The following KPNA7 variants were observed in gnomAD, a reference collection of about 807,000 sequenced individuals.
KPNA7 encodes the protein karyopherin subunit alpha 7.
A neutral mutation model predicts 53.7 loss-of-function variants in KPNA7; 54 were observed. That is an observed-to-expected ratio of 1.01 (90% CI 0.81 to 1.26). The LOEUF is 1.26. Among genes scored for constraint, KPNA7 ranks in the 50% most tolerant of loss-of-function variants. The pLI is 0.00. For missense variants in KPNA7, 640 were observed against 644.5 expected (o/e 0.99, Z 0.07); for synonymous variants, 276 against 259.3 (o/e 1.06, Z -0.62).
intron 8 of KPNA7, among the ~76,000 whole-genome samples, chr7:99,184,247 C>CGG (rs1369606999): frequency 6.6e-6 from 1 of 151,254 alleles, no homozygotes; most frequent in African/African-American, 2.4e-5. Flanking sequence ...CTTGACCTCC[C>CGG]GGGCTCAATT....
chr7:99,171,501 G>A (rs1269697853), downstream of KPNA7, among the ~76,000 whole-genome samples: 3 of 151,920 alleles, frequency 2.0e-5, no homozygotes, highest in African/African-American at 4.8e-5. Flanking sequence ...GAGTGCAGTG[G>A]CACCATCATA....
At chr7:99,181,720 C>T (rs532417285) in intron 9 of KPNA7, among the ~76,000 whole-genome samples, 163 bp downstream of exon 9, 39 of 152,224 alleles carry the variant, frequency 2.6e-4, no homozygotes, top group Admixed American at 4.6e-4. Flanking sequence ...GCTAATTTGA[C>T]GGGGTTTCAC....
chr7:99,209,207 G>A (rs1208914762), upstream of KPNA7, among the ~76,000 whole-genome samples: 1 of 151,850 alleles, frequency 6.6e-6, no homozygotes, highest in Non-Finnish European at 1.5e-5. Context: ...TTATAAATCA[G>A]GCATATGTAC....
intron 2 of KPNA7, among the ~76,000 whole-genome samples, chr7:99,206,405 C>T (rs1276766662): frequency 6.6e-6 from 1 of 151,982 alleles, no homozygotes; most frequent in East Asian, 1.9e-4. Flanking sequence ...CAAGTGATCA[C>T]TTTGGCCTCC....
At chr7:99,160,804 TC>T in the KPNA7 span, among the ~76,000 whole-genome samples, 1 of 152,018 alleles carries the variant, frequency 6.6e-6, no homozygotes, top group African/African-American at 2.4e-5. Flanking sequence ...TGTCTTCTGG[TC>T]TTCACACCTC....
chr7:99,157,354 C>G, the KPNA7 span, among the ~76,000 whole-genome samples: 1 of 152,124 alleles, frequency 6.6e-6, no homozygotes, highest in Non-Finnish European at 1.5e-5. Flanking sequence ...AGATTACAGG[C>G]ATGCGCCACC....
At chr7:99,162,753 A>T in the KPNA7 span, among the ~76,000 whole-genome samples, 5 of 152,226 alleles carry the variant, frequency 3.3e-5, no homozygotes, top group East Asian at 5.8e-4. Context: ...AATTAAAAAA[A>T]TTTTTTCTCA....
intron 8 of KPNA7, among the ~76,000 whole-genome samples, chr7:99,183,817 G>C (rs73147651): frequency 0.055 from 8,377 of 152,230 alleles, 315 homozygotes; most frequent in African/African-American, 0.092. Flanking sequence ...TCCTGCAAAA[G>C]GGGAGTACAA....
chr7:99,162,850 A>G, the KPNA7 span, among the ~76,000 whole-genome samples: 2 of 152,272 alleles, frequency 1.3e-5, no homozygotes, highest in African/African-American at 4.8e-5. Context: ...TAAGATGTTG[A>G]AAAAGAATCT....
At position 99,203,125 on chromosome 7, in the gene KPNA7, T is replaced by G. The variant is rs1453141738; in HGVS notation, c.182A>C (p.Lys61Thr). ...ACTGACCGCCACCCCTTTGGCTGTT[T>G]TTTCAGAAGGTGTGTCAGGGCAGAA... ...TSFCPDTPSE[K>T]TAKGVAVSLT... Residue 61 changes from lysine to threonine, a missense_variant, in exon 3 of 11, where the codon AAA (lysine) becomes ACA (threonine). Lys to Thr is a moderately conservative substitution (Grantham distance 78). Transcript: ENST00000327442. The G allele has an allele frequency of 1.9e-6, 3 of 1,551,574 alleles. No individual in the cohort carries two copies. The highest frequency in any genetic ancestry group is 2.6e-6 in the Non-Finnish European group (3 of 1,146,992).
chr7:99,167,198 C>T, the KPNA7 span, among the ~76,000 whole-genome samples: 146 of 152,300 alleles, frequency 9.6e-4, 5 homozygotes, highest in Admixed American at 9.5e-3. Context: ...GCCCTGGCCC[C>T]ACTGTCTCCT....
At chr7:99,198,395 G>A (rs2150757046) in intron 3 of KPNA7, among the ~76,000 whole-genome samples, 2 of 152,116 alleles carry the variant, frequency 1.3e-5, no homozygotes, top group South Asian at 4.1e-4. Flanking sequence ...GAAACCAAAT[G>A]CCTAAACGTA....
At chr7:99,192,842 C>T (rs1315233240) in intron 6 of KPNA7, among the ~76,000 whole-genome samples, 177 bp downstream of exon 6, 1 of 152,100 alleles carries the variant, frequency 6.6e-6, no homozygotes, top group East Asian at 1.9e-4. Flanking sequence ...TAAAGACATC[C>T]ACTTGGCCTG....
chr7:99,207,559 G>A, intron 1 of KPNA7, 70 bp from the exon 2 acceptor site: 1 of 640,568 alleles, frequency 1.6e-6, no homozygotes, highest in Non-Finnish European at 2.7e-6. Flanking sequence ...GTATCATAAG[G>A]CTCTAACCCT....
intron 8 of KPNA7, among the ~76,000 whole-genome samples, chr7:99,182,952 A>G (rs1789350592): frequency 6.6e-6 from 1 of 152,054 alleles, no homozygotes. Flanking sequence ...GTGACAGAGA[A>G]AGACCATTGA....
rs960041750 is a variant in KPNA7 at position 99,203,354 on chromosome 7, A to G, written c.67-114T>C. ...CATTTTTACAGATACAATAGGCTGG[A>G]AAAGTTCAGATCACACAGTTAGTAA... On this transcript the variant is annotated intron_variant, in intron 2 of 10. Transcript: ENST00000327442. 30 of 1,060,070 alleles carry G rather than the reference A, an allele frequency of 2.8e-5. No individual in the cohort carries two copies. In the African/African-American group the frequency reaches 4.1e-4, roughly 15 times the overall value. The allele number at this position is 1,060,070 out of a possible 1,614,324, so 65.7% of individuals were successfully genotyped here. A position where few individuals can be genotyped will look rare whatever the true frequency, so the allele number is the denominator to read the frequency against.
At position 99,187,823 on chromosome 7, in the gene KPNA7, A is replaced by C. The variant is rs13238223; in HGVS notation, c.900+477T>G. On this transcript the variant is annotated intron_variant, in intron 7 of 10. Transcript: ENST00000327442. ...TTAAAAAAAAAAAAAAAAAAAAAAA[A>C]AAAAAAAAAAAACCCACTAGGATTT... Among the ~76,000 whole-genome samples the C allele has an allele frequency of 1.3e-3, 180 of 143,404 alleles. 1 individual carries two copies. The highest frequency in any genetic ancestry group is 7.1e-3 in the Middle Eastern group (2 of 280). The allele number at this position is 143,404 out of a possible 152,430, so 94.1% of individuals were successfully genotyped here.
intron 2 of KPNA7, among the ~76,000 whole-genome samples, chr7:99,206,025 T>C (rs1228703974): frequency 6.6e-6 from 1 of 152,184 alleles, no homozygotes. Context: ...GTCCTATTTC[T>C]ACAAGGCATG....
downstream of KPNA7, among the ~76,000 whole-genome samples, chr7:99,169,516 A>G (rs985822180): frequency 2.6e-5 from 4 of 151,834 alleles, no homozygotes; most frequent in Non-Finnish European, 5.9e-5. Flanking sequence ...GCCACTCAGG[A>G]GGCCGACAGG....
Sources: allele counts gnomAD v4.1 joint callset (sites outside exome capture counted in the v4.1 genomes callset), GRCh38; gene constraint gnomAD v4.1.1; transcripts MANE v1.5; gene names NCBI Gene and HGNC (gene_info 2026-07-23, HGNC 2026-07-21).